Variants in ZBTB49 observed in about 807,000 individuals in gnomAD.
The protein encoded by ZBTB49 is zinc finger and BTB domain-containing protein 49.
A neutral mutation model predicts 57.5 loss-of-function variants in ZBTB49; 43 were observed. The observed-to-expected ratio is 0.75, with a 90% CI of 0.59 to 0.97. The LOEUF is 0.97. ZBTB49 is among the 50% of genes least tolerant of loss of function. The pLI is 0.00. For missense variants in ZBTB49, 938 were observed against 947.7 expected, an observed-to-expected ratio of 0.99 and a Z score of 0.13; for synonymous variants, 369 against 362.1, an observed-to-expected ratio of 1.02 and a Z score of -0.22.
Position 4,306,242 on chromosome 4 carries a change from A to G in ZBTB49, c.1302+58A>G, listed in dbSNP as rs148971927. On this transcript the variant is annotated intron_variant, in intron 4 of 7. Transcript: ENST00000337872. Reference sequence around the variant, plus strand: ...GAAACCTGCAACACAGTGTTTTTTTATTGGAAATAAGACATACTTTTGTAC... The same window carrying G: ...GAAACCTGCAACACAGTGTTTTTTTGTTGGAAATAAGACATACTTTTGTAC... The G allele has an allele frequency of 3.6e-3, 5,224 of 1,449,266 alleles. 74 individuals are homozygous for G. The highest frequency in any genetic ancestry group is 0.013 in the Middle Eastern group (73 of 5,760). The allele number at this position is 1,449,266 out of a possible 1,614,324, so 89.8% of individuals were successfully genotyped here.
chr4:4,319,271 T>TAA (rs200122058), intron 7 of ZBTB49, among the ~76,000 whole-genome samples: 5 of 149,662 alleles, frequency 3.3e-5, no homozygotes, highest in Non-Finnish European at 7.4e-5. Context: ...TCAAAGGCTT[T>TAA]AAAAAAAAAA....
At chr4:4,294,907 G>A (rs1577228575) in intron 1 of ZBTB49, among the ~76,000 whole-genome samples, 1 of 150,826 alleles carries the variant, frequency 6.6e-6, no homozygotes, top group East Asian at 1.9e-4. Flanking sequence ...GTGTGTGTGT[G>A]TGTGTGTGTT....
chr4:4,301,021 G>T (rs1478631527), intron 2 of ZBTB49, among the ~76,000 whole-genome samples: 2 of 152,126 alleles, frequency 1.3e-5, no homozygotes, highest in African/African-American at 4.8e-5. Flanking sequence ...ACATTGTAAT[G>T]AATCAGCTTC....
At chr4:4,299,379 A>C (rs930014282) in intron 1 of ZBTB49, among the ~76,000 whole-genome samples, 1 of 150,958 alleles carries the variant, frequency 6.6e-6, no homozygotes, top group East Asian at 2.4e-4. Context: ...CCTGTACCTT[A>C]TCTCCCAAAA....
intron 1 of ZBTB49, among the ~76,000 whole-genome samples, chr4:4,294,500 G>A (rs1379694702): frequency 6.6e-6 from 1 of 152,154 alleles, no homozygotes; most frequent in Non-Finnish European, 1.5e-5. Context: ...GGTATTATAG[G>A]CATGCGTCAC....
chr4:4,302,697 C>T lies in ZBTB49; in HGVS notation c.861C>T (p.His287=). The change falls in exon 3 of 8, where the codon CAC becomes CAT. Residue 287 remains histidine (H), a synonymous_variant. Coordinates refer to ENST00000337872, the MANE Select transcript of ZBTB49 (RefSeq NM_145291.4). ...LAQPVNDSAP[H]PESDATCQQP... ...AGCCTGTGAATGACTCTGCCCCACA[C>T]CCTGAGTCAGACGCCACATGCCAAC... is the stretch of plus-strand genomic sequence containing the variant. 6.2e-7 allele frequency: 1 copy of T among 1,612,742 alleles called. No homozygotes were observed. The highest frequency in any genetic ancestry group is 8.5e-7 in the Non-Finnish European group (1 of 1,179,282).
intron 5 of ZBTB49, 111 bp downstream of exon 5, chr4:4,313,225 C>A: frequency 1.7e-6 from 2 of 1,155,880 alleles, no homozygotes; most frequent in Non-Finnish European, 2.5e-6. Flanking sequence ...CAGGTGGGCT[C>A]ACCCTGCCAC....
intron 4 of ZBTB49, among the ~76,000 whole-genome samples, chr4:4,310,979 G>T (rs1016958587): frequency 2.6e-5 from 4 of 152,094 alleles, no homozygotes; most frequent in Non-Finnish European, 5.9e-5. Flanking sequence ...GTGTAACCTG[G>T]AATAAATTAT....
Position 4,302,965 on chromosome 4 carries a change from G to C in ZBTB49, c.1129G>C (p.Glu377Gln), listed in dbSNP as rs751664035. 6.2e-7 allele frequency: 1 copy of C among 1,614,222 alleles called. No homozygotes were observed. The highest frequency in any genetic ancestry group is 8.5e-7 in the Non-Finnish European group (1 of 1,180,040). The change falls in exon 3 of 8, where the codon GAA becomes CAA. Residue 377 changes from glutamate (E) to glutamine (Q), a missense_variant. By Grantham distance (29) the Glu-to-Gln change is conservative. Transcript: ENST00000337872. ...FNCISETERPEDPAALEDQSQ... is the reference protein window; with the variant it reads ...FNCISETERPQDPAALEDQSQ... ...TTGCATTAGTGAGACGGAGAGGCCTGAAGACCCGGCTGCCCTGGAAGACCA... is the reference window on the plus strand; with the variant it reads ...TTGCATTAGTGAGACGGAGAGGCCTCAAGACCCGGCTGCCCTGGAAGACCA...
At chr4:4,316,482 G>C (rs191830352) in intron 7 of ZBTB49, among the ~76,000 whole-genome samples, 10 of 152,336 alleles carry the variant, frequency 6.6e-5, no homozygotes, top group African/African-American at 2.4e-4. Flanking sequence ...GGAGGCTCAG[G>C]GTAAGGTAGC....
chr4:4,290,265 T>C lies in ZBTB49; in HGVS notation c.-107T>C, dbSNP rs544475996. 2 of 152,322 alleles carry C rather than the reference T, an allele frequency of 1.3e-5. No individual in the cohort carries two copies. The highest frequency in any genetic ancestry group is 6.5e-5 in the Admixed American group (1 of 15,308). 9.4% of individuals were successfully genotyped at this position (152,322 alleles called of 1,614,324 possible). A position where few individuals can be genotyped will look rare whatever the true frequency, so the allele number is the denominator to read the frequency against. Reference sequence around the variant, plus strand: ...GCCAAGGGGGCGTTGTCGTGATGATTCCGCGGCCAGCGGATCGCTGCGAGT... The same window carrying C: ...GCCAAGGGGGCGTTGTCGTGATGATCCCGCGGCCAGCGGATCGCTGCGAGT... On this transcript the variant is annotated 5_prime_UTR_variant, in exon 1 of 8. Coordinates refer to ENST00000337872, the MANE Select transcript of ZBTB49 (RefSeq NM_145291.4).
intron 1 of ZBTB49, among the ~76,000 whole-genome samples, chr4:4,297,314 C>T (rs2108870592): frequency 6.6e-6 from 1 of 152,292 alleles, no homozygotes; most frequent in East Asian, 1.9e-4. Context: ...AGGTGATCCC[C>T]CCACCTCAGC....
chr4:4,317,649 T>C (rs1721243280), intron 7 of ZBTB49, among the ~76,000 whole-genome samples: 1 of 152,118 alleles, frequency 6.6e-6, no homozygotes, highest in Non-Finnish European at 1.5e-5. Flanking sequence ...CCAAGGCTTG[T>C]GTGGGGGTGT....
intron 5 of ZBTB49, 102 bp from the exon 6 acceptor site, chr4:4,315,534 G>A (rs1324741799): frequency 3.6e-6 from 4 of 1,111,336 alleles, no homozygotes; most frequent in Admixed American, 4.8e-5. Context: ...CCTTTCTGCA[G>A]CAGTGTCAGG....
chr4:4,309,912 T>G (rs1395521595), intron 4 of ZBTB49, among the ~76,000 whole-genome samples: 3 of 152,262 alleles, frequency 2.0e-5, no homozygotes. Flanking sequence ...TTTTTTTCTT[T>G]TTAATTTTAT....
At chr4:4,306,010 C>T (rs771489808) in intron 3 of ZBTB49, 128 bp from the exon 4 acceptor site, 17 of 672,584 alleles carry the variant, frequency 2.5e-5, no homozygotes, top group African/African-American at 7.3e-5. Flanking sequence ...TAGACACTCC[C>T]TATTTTCATA....
intron 1 of ZBTB49, among the ~76,000 whole-genome samples, chr4:4,293,825 G>A (rs79762224): frequency 0.021 from 3,170 of 152,256 alleles, 105 homozygotes; most frequent in African/African-American, 0.072. Flanking sequence ...CATAGCCACT[G>A]TTCTGAAAGA....
chr4:4,299,808 T>A (rs60878128), intron 1 of ZBTB49, 119 bp from the exon 2 acceptor site: 49,130 of 709,328 alleles, frequency 0.069, 2,088 homozygotes, highest in Middle Eastern at 0.11. Context: ...TGTGTGTGTG[T>A]GTGAGAGAGA....
intron 1 of ZBTB49, among the ~76,000 whole-genome samples, chr4:4,299,231 A>C (rs1337624236): frequency 1.3e-5 from 2 of 152,178 alleles, no homozygotes; most frequent in African/African-American, 4.8e-5. Context: ...TTTCTGGCCC[A>C]GGTACCTGCA....
Sources: gnomAD v4.1 joint callset for allele counts (sites outside exome capture counted in the v4.1 genomes callset) on GRCh38, gnomAD v4.1.1 for gene constraint, MANE v1.5 for transcripts, NCBI Gene and HGNC (gene_info 2026-07-23, HGNC 2026-07-21) for gene names.